GPC6: variants seen among roughly 807,000 people sequenced by gnomAD.
GPC6 encodes glypican-6.
In GPC6, 14 loss-of-function variants were observed where a neutral mutation model predicts 55.2. The ratio of observed to expected loss-of-function variants is 0.25; its 90% CI spans 0.17 to 0.40. GPC6 has a LOEUF of 0.40. Among genes scored for constraint, GPC6 ranks in the 10% least tolerant of loss-of-function variants. The pLI is 1.00. For synonymous variants in GPC6, 278 were observed against 259.6 expected, an observed-to-expected ratio of 1.07 and a Z score of -0.68; for missense variants, 641 against 708.5, an observed-to-expected ratio of 0.90 and a Z score of 1.08.
chr13:93,721,614 A>C (rs573252740), intron 2 of GPC6, among the ~76,000 whole-genome samples: 68 of 151,826 alleles, frequency 4.5e-4, no homozygotes, highest in Non-Finnish European at 8.8e-4. Context: ...CCGTGTGTTT[A>C]GTCAGACAGC....
chr13:94,133,564 G>T (rs993537528), intron 4 of GPC6, among the ~76,000 whole-genome samples: 5 of 152,116 alleles, frequency 3.3e-5, no homozygotes, highest in African/African-American at 1.2e-4. Flanking sequence ...GTAAATAAGA[G>T]CACTGAGAAA....
chr13:93,386,098 TAA>T (rs34852109), intron 1 of GPC6, among the ~76,000 whole-genome samples: 2,393 of 127,708 alleles, frequency 0.019, 65 homozygotes, highest in African/African-American at 0.064. Flanking sequence ...ACCACTTTGT[TAA>T]AAAAAAAAAA....
chr13:94,279,836 A>G (rs1179736778), intron 4 of GPC6, among the ~76,000 whole-genome samples: 1 of 152,060 alleles, frequency 6.6e-6, no homozygotes, highest in African/African-American at 2.4e-5. Context: ...GTTCCTTTGC[A>G]TTTGCTGAGG....
chr13:93,352,197 A>G (rs1351218536), intron 1 of GPC6, among the ~76,000 whole-genome samples: 3 of 152,166 alleles, frequency 2.0e-5, no homozygotes, highest in Non-Finnish European at 4.4e-5. Context: ...CGGAACACCA[A>G]TGAATTTTCA....
At chr13:93,906,706 A>C (rs1365710475) in intron 3 of GPC6, among the ~76,000 whole-genome samples, 1 of 152,158 alleles carries the variant, frequency 6.6e-6, no homozygotes, top group Non-Finnish European at 1.5e-5. Flanking sequence ...TTATATCCCC[A>C]GCACCAACTG....
intron 4 of GPC6, among the ~76,000 whole-genome samples, chr13:94,094,273 AC>A (rs1357799536): frequency 6.6e-6 from 1 of 152,128 alleles, no homozygotes; most frequent in East Asian, 1.9e-4. Context: ...TGCTAGATAA[AC>A]AAATGATAGG....
chr13:93,357,232 G>A (rs940158014), intron 1 of GPC6, among the ~76,000 whole-genome samples: 6 of 152,198 alleles, frequency 3.9e-5, no homozygotes, highest in South Asian at 2.1e-4. Flanking sequence ...GTTTTTATTC[G>A]CTGCAGGTTA....
rs139843109 is a variant in GPC6 at position 93,421,715 on chromosome 13, GA to G, written c.161-123538del. On this transcript the variant is annotated intron_variant, in intron 1 of 8. Transcript: ENST00000377047. ...TTTAATGGAAGCAGGTGGAAAATGT[GA>G]AAAAAAAAATGACTAAAATGGCTGT... Among the ~76,000 whole-genome samples the G allele has an allele frequency of 2.5e-3, 376 of 148,782 alleles. 5 individuals are homozygous for G. Among genetic ancestry groups the G allele is most frequent in the Non-Finnish European group, 9.0e-4 (60 of 67,002 alleles).
intron 3 of GPC6, among the ~76,000 whole-genome samples, chr13:93,936,672 A>C (rs144274506): frequency 1.3e-5 from 2 of 152,310 alleles, no homozygotes; most frequent in East Asian, 3.9e-4. Context: ...TAAAAATGAA[A>C]TGGCTTATTT....
At chr13:94,087,021 T>G (rs766744773) in intron 4 of GPC6, among the ~76,000 whole-genome samples, 28 of 152,174 alleles carry the variant, frequency 1.8e-4, no homozygotes, top group Non-Finnish European at 3.4e-4. Context: ...TTAGAGAAAC[T>G]ATGACTTTTA....
intron 4 of GPC6, among the ~76,000 whole-genome samples, chr13:94,034,248 G>A (rs112197621): frequency 1.6e-4 from 15 of 92,664 alleles, no homozygotes; most frequent in African/African-American, 2.6e-4. Flanking sequence ...AAGGAAGGAA[G>A]GAAAGAAAGA....
chr13:93,696,687 T>G (rs962464401), intron 2 of GPC6, among the ~76,000 whole-genome samples: 3 of 150,962 alleles, frequency 2.0e-5, no homozygotes, highest in Non-Finnish European at 4.4e-5. Flanking sequence ...AGTGGCAGGA[T>G]CTCAGCTTGC....
chr13:93,399,316 C>CTGTTAAAACAAGTTCTT (rs1875982494), intron 1 of GPC6, among the ~76,000 whole-genome samples: 1 of 152,216 alleles, frequency 6.6e-6, no homozygotes, highest in Non-Finnish European at 1.5e-5. Flanking sequence ...TGTTTTAACA[C>CTGTTAAAACAAGTTCTT]TGTTCTTCTT....
chr13:93,325,797 T>G (rs1346701433), intron 1 of GPC6, among the ~76,000 whole-genome samples: 5 of 152,116 alleles, frequency 3.3e-5, no homozygotes, highest in Admixed American at 3.3e-4. Context: ...GTGTTGTAGA[T>G]GTATCCATCT....
chr13:94,319,522 T>C (rs1482115280), intron 6 of GPC6, among the ~76,000 whole-genome samples: 1 of 152,236 alleles, frequency 6.6e-6, no homozygotes, highest in Non-Finnish European at 1.5e-5. Context: ...TTTCTTTGGT[T>C]ATCATTCCTT....
chr13:94,097,005 T>C (rs1460732939), intron 4 of GPC6, among the ~76,000 whole-genome samples: 2 of 115,324 alleles, frequency 1.7e-5, no homozygotes, highest in Admixed American at 1.1e-4. Flanking sequence ...TTAATACCTA[T>C]TATGATAAAT....
chr13:93,789,862 A>G (rs954878812), intron 2 of GPC6, among the ~76,000 whole-genome samples: 1 of 151,620 alleles, frequency 6.6e-6, no homozygotes, highest in Non-Finnish European at 1.5e-5. Context: ...GATTTTAGGC[A>G]TAAGGAGAAA....
chr13:93,992,343 T>A (rs1329242858), intron 3 of GPC6, among the ~76,000 whole-genome samples: 1 of 152,146 alleles, frequency 6.6e-6, no homozygotes, highest in Non-Finnish European at 1.5e-5. Context: ...TGAGAAAGAA[T>A]GTACCTTTTC....
intron 2 of GPC6, among the ~76,000 whole-genome samples, chr13:93,823,895 CAT>C (rs1433120105): frequency 6.6e-6 from 1 of 152,048 alleles, no homozygotes; most frequent in Non-Finnish European, 1.5e-5. Context: ...TTTATAAAAA[CAT>C]ACACCTACAC....
Sources: allele counts gnomAD v4.1 joint callset (sites outside exome capture counted in the v4.1 genomes callset), GRCh38; gene constraint gnomAD v4.1.1; transcripts MANE v1.5; gene names NCBI Gene and HGNC (gene_info 2026-07-23, HGNC 2026-07-21).